The following NRXN3 variants were observed in gnomAD, a reference collection of about 807,000 sequenced individuals.
NRXN3 encodes the protein neurexin 3, also known as neurexin III.
NRXN3 carries 32 observed loss-of-function variants against 137.6 expected under a neutral mutation model. The ratio of observed to expected loss-of-function variants is 0.23; its 90% confidence interval spans 0.18 to 0.31. NRXN3 has a LOEUF of 0.31. Among genes scored for constraint, NRXN3 ranks in the 10% least tolerant of loss-of-function variants. The pLI is 1.00. For missense variants in NRXN3, 1,574 were observed against 2,062.5 expected, an observed-to-expected ratio of 0.76 and a Z score of 4.59; for synonymous variants, 798 against 784.5, an observed-to-expected ratio of 1.02 and a Z score of -0.29.
intron 4 of NRXN3, among the ~76,000 whole-genome samples, chr14:78,323,187 C>T (rs2079607366): frequency 6.6e-6 from 1 of 151,996 alleles, no homozygotes; most frequent in Non-Finnish European, 1.5e-5. Flanking sequence ...CAAATATCAA[C>T]CTACGAACAT....
At chr14:79,224,011 A>G (rs143588344) in intron 15 of NRXN3, among the ~76,000 whole-genome samples, 3,978 of 152,238 alleles carry the variant, frequency 0.026, 130 homozygotes, top group Admixed American at 0.092. Flanking sequence ...TCAGGTGGAA[A>G]AAAGAAAGAA....
chr14:79,086,298 G>A (rs540920006), intron 15 of NRXN3, among the ~76,000 whole-genome samples: 34 of 152,192 alleles, frequency 2.2e-4, no homozygotes, highest in African/African-American at 8.2e-4. Flanking sequence ...CTGGTTAGAG[G>A]CAGAGGTAGG....
At chr14:79,823,444 C>T (rs553729097) in intron 20 of NRXN3, among the ~76,000 whole-genome samples, 9 of 152,062 alleles carry the variant, frequency 5.9e-5, no homozygotes, top group Admixed American at 1.3e-4. Context: ...GGCATGGTGG[C>T]GCATGCCTAT....
chr14:79,609,477 T>C (rs2098071052), intron 16 of NRXN3, among the ~76,000 whole-genome samples: 1 of 152,146 alleles, frequency 6.6e-6, no homozygotes, highest in Non-Finnish European at 1.5e-5. Context: ...AGAGGAATAA[T>C]AAGATTTTGA....
At chr14:78,990,414 C>T (rs527263027) in intron 15 of NRXN3, among the ~76,000 whole-genome samples, 49 of 143,372 alleles carry the variant, frequency 3.4e-4, no homozygotes, top group Admixed American at 9.1e-4. Context: ...TGCTATTGCC[C>T]GGGCTGGAGT....
At chr14:79,427,140 A>G (rs1203735809) in intron 15 of NRXN3, among the ~76,000 whole-genome samples, 2 of 152,128 alleles carry the variant, frequency 1.3e-5, no homozygotes, top group Admixed American at 6.6e-5. Flanking sequence ...GCTTTTTAAG[A>G]GGCGTGTTTC....
At chr14:79,393,683 C>T (rs951483304) in intron 15 of NRXN3, among the ~76,000 whole-genome samples, 5 of 152,020 alleles carry the variant, frequency 3.3e-5, no homozygotes, top group African/African-American at 7.2e-5. Context: ...GGCGTGGTGG[C>T]GGGCGCCTAT....
chr14:79,862,049 G>C lies in NRXN3; in HGVS notation c.*85G>C, dbSNP rs991607758. 3 of 1,163,698 alleles carry C rather than the reference G, an allele frequency of 2.6e-6. No homozygotes were observed. The Admixed American group carries it at 7.3e-5, about 28-fold the overall frequency. 72.1% of individuals were successfully genotyped at this position (1,163,698 alleles called of 1,614,324 possible). ...CTTTGGACGGTGAGATCTCACAGAT[G>C]TCAGAACTGCTGGAACTATGAAATG... On this transcript the variant is annotated 3_prime_UTR_variant, in exon 21 of 21. Coordinates refer to ENST00000335750, the MANE Select transcript of NRXN3 (RefSeq NM_001330195.2).
rs187959511 is a variant in NRXN3 at position 78,329,919 on chromosome 14, A to G, written c.757+32059A>G. Among the ~76,000 whole-genome samples, 49 of 152,308 alleles carry G rather than the reference A, an allele frequency of 3.2e-4. 1 individual carries two copies. The East Asian group carries it at 5.0e-3, about 16-fold the overall frequency. On this transcript the variant is annotated intron_variant, in intron 4 of 20. Coordinates refer to ENST00000335750, the MANE Select transcript of NRXN3 (RefSeq NM_001330195.2). ...TTCACAAGAAGGAACACTGATAGTGATTAGATTTCATCAACCTGGCTCCAA... is the reference window on the plus strand; with the variant it reads ...TTCACAAGAAGGAACACTGATAGTGGTTAGATTTCATCAACCTGGCTCCAA...
Position 78,286,025 on chromosome 14 carries a change from A to G in NRXN3, c.727+7363A>G, listed in dbSNP as rs557135699. Among the ~76,000 whole-genome samples the G allele has an allele frequency of 9.8e-5, 15 of 152,312 alleles. No homozygotes were observed. In the South Asian group the frequency reaches 2.9e-3, roughly 30 times the overall value. On this transcript the variant is annotated intron_variant, in intron 3 of 20. Transcript: ENST00000335750. ...CCAGCTTTGGCTCACTCAGGGATGC[A>G]GATCACTGGGCCTTGGTGCTTTTTT...
chr14:78,676,362 G>A (rs2098006493), intron 6 of NRXN3, among the ~76,000 whole-genome samples: 1 of 152,044 alleles, frequency 6.6e-6, no homozygotes. Context: ...TGATAAGAAA[G>A]TAAAACAGAT....
intron 1 of NRXN3, among the ~76,000 whole-genome samples, chr14:78,225,124 A>ACCATT (rs2064377694): frequency 6.6e-6 from 1 of 152,190 alleles, no homozygotes; most frequent in African/African-American, 2.4e-5. Flanking sequence ...CAGTAATGGG[A>ACCATT]TGGCTTGGTC....
At chr14:78,377,427 A>C (rs2088089437) in intron 4 of NRXN3, among the ~76,000 whole-genome samples, 1 of 152,248 alleles carries the variant, frequency 6.6e-6, no homozygotes. Flanking sequence ...CTAAAAAGAG[A>C]AATAGACAAA....
In NRXN3 at chr14:79,018,810, A is replaced by G. The variant is rs541069068; in HGVS notation, c.3262+30669A>G. Among the ~76,000 whole-genome samples, 3 of 152,340 alleles carry G rather than the reference A, an allele frequency of 2.0e-5. No individual in the cohort carries two copies. The East Asian group carries it at 5.8e-4, about 29-fold the overall frequency. ...ATAAATTGTCCTTTTAAGAAACAAA[A>G]CTATCTTTATCTAAATCAAGGCTGA... On this transcript the variant is annotated intron_variant, in intron 15 of 20. Coordinates refer to ENST00000335750, the MANE Select transcript of NRXN3 (RefSeq NM_001330195.2).
At chr14:78,856,675 T>G (rs1430689046) in intron 10 of NRXN3, among the ~76,000 whole-genome samples, 1 of 152,096 alleles carries the variant, frequency 6.6e-6, no homozygotes, top group East Asian at 1.9e-4. Context: ...CCCTGTTGAG[T>G]GTCTTATGGA....
intron 16 of NRXN3, among the ~76,000 whole-genome samples, chr14:79,615,856 C>CTTGTAT (rs2098148903): frequency 1.3e-5 from 2 of 152,064 alleles, no homozygotes; most frequent in Non-Finnish European, 2.9e-5. Flanking sequence ...GGGGACACAG[C>CTTGTAT]CAAATCATAT....
At chr14:79,855,188 C>T (rs2099399987) in intron 20 of NRXN3, among the ~76,000 whole-genome samples, 1 of 152,188 alleles carries the variant, frequency 6.6e-6, no homozygotes, top group Non-Finnish European at 1.5e-5. Flanking sequence ...CGTGTAACTA[C>T]AGGGTAAGAC....
intron 15 of NRXN3, among the ~76,000 whole-genome samples, chr14:79,121,385 G>A (rs528614314): frequency 1.5e-4 from 23 of 152,282 alleles, no homozygotes; most frequent in African/African-American, 4.8e-4. Context: ...ACCAATAAGT[G>A]AGGAATGAAA....
intron 4 of NRXN3, among the ~76,000 whole-genome samples, chr14:78,367,402 C>T (rs1370791099): frequency 6.6e-6 from 1 of 152,002 alleles, no homozygotes; most frequent in Non-Finnish European, 1.5e-5. Context: ...ATCAATTAAT[C>T]AATCTTCATC....
Sources: gnomAD v4.1 joint callset for allele counts (sites outside exome capture counted in the v4.1 genomes callset) on GRCh38, gnomAD v4.1.1 for gene constraint, MANE v1.5 for transcripts, NCBI Gene and HGNC (gene_info 2026-07-23, HGNC 2026-07-21) for gene names.